Variants in SYT9 observed in about 807,000 individuals in gnomAD.
SYT9 encodes the protein synaptotagmin 9, also known as synaptotagmin-9.
SYT9 carries 22 observed loss-of-function variants against 48.4 expected under a neutral mutation model. The ratio of observed to expected loss-of-function variants is 0.45; its 90% CI spans 0.32 to 0.65. The LOEUF is 0.65. SYT9 is among the 30% of genes least tolerant of loss of function. The probability of loss-of-function intolerance (pLI) is 0.03; values close to 1 mark genes in which losing one functional copy is unlikely to be tolerated. For synonymous variants in SYT9, 265 were observed against 245.0 expected, an observed-to-expected ratio of 1.08 and a Z score of -0.76; for missense variants, 577 against 622.0, an observed-to-expected ratio of 0.93 and a Z score of 0.77.
At chr11:7,324,888 A>T (rs1479355996) in intron 3 of SYT9, among the ~76,000 whole-genome samples, 1 of 152,020 alleles carries the variant, frequency 6.6e-6, no homozygotes, top group Non-Finnish European at 1.5e-5. Flanking sequence ...ATTTTTCCTC[A>T]GTCTAATATA....
chr11:7,460,194 T>C (rs767841674), intron 6 of SYT9, among the ~76,000 whole-genome samples: 8 of 152,230 alleles, frequency 5.3e-5, no homozygotes, highest in Non-Finnish European at 7.3e-5. Context: ...TGATTATAGA[T>C]CTAATAATTC....
chr11:7,240,031 C>T (rs1412679570), intron 1 of SYT9, among the ~76,000 whole-genome samples: 1 of 152,078 alleles, frequency 6.6e-6, no homozygotes, highest in Non-Finnish European at 1.5e-5. Context: ...TCCTTACGGA[C>T]AAGGGTAGCA....
chr11:7,316,066 G>A (rs1451050252), intron 3 of SYT9, among the ~76,000 whole-genome samples: 4 of 47,476 alleles, frequency 8.4e-5, no homozygotes, highest in Non-Finnish European at 1.8e-4. Flanking sequence ...TGGGGTTGTG[G>A]GGTTTTTTTT....
At chr11:7,408,008 A>G (rs190923356) in intron 3 of SYT9, among the ~76,000 whole-genome samples, 1 of 152,370 alleles carries the variant, frequency 6.6e-6, no homozygotes, top group East Asian at 1.9e-4. Flanking sequence ...TTGGCTATTC[A>G]GGCTCTCTTT....
At chr11:7,265,342 G>A (rs994868118) in intron 1 of SYT9, among the ~76,000 whole-genome samples, 1 of 152,110 alleles carries the variant, frequency 6.6e-6, no homozygotes, top group Non-Finnish European at 1.5e-5. Context: ...GGTGAAAAGC[G>A]ATTGAATGTC....
chr11:7,401,841 G>A (rs921140877), intron 3 of SYT9, among the ~76,000 whole-genome samples: 6 of 151,140 alleles, frequency 4.0e-5, no homozygotes, highest in African/African-American at 1.2e-4. Flanking sequence ...ATGTTTTATT[G>A]GTTTTGCCCT....
intron 6 of SYT9, among the ~76,000 whole-genome samples, chr11:7,459,751 A>T (rs1396678904): frequency 1.3e-5 from 2 of 152,234 alleles, no homozygotes; most frequent in East Asian, 3.9e-4. Context: ...GGAAAGCCAT[A>T]TAAAGACCTA....
chr11:7,263,343 A>G (rs1450405249), intron 1 of SYT9, among the ~76,000 whole-genome samples: 1 of 152,154 alleles, frequency 6.6e-6, no homozygotes, highest in Non-Finnish European at 1.5e-5. Flanking sequence ...GGTTTCTTTC[A>G]TAAGGGCATT....
chr11:7,423,937 G>T (rs1847403525), intron 6 of SYT9, among the ~76,000 whole-genome samples: 1 of 152,230 alleles, frequency 6.6e-6, no homozygotes. Flanking sequence ...AAATCTCAGT[G>T]CTCATGATAA....
At chr11:7,453,553 A>C (rs1848098095) in intron 6 of SYT9, among the ~76,000 whole-genome samples, 1 of 152,322 alleles carries the variant, frequency 6.6e-6, no homozygotes, top group African/African-American at 2.4e-5. Context: ...GGCAAATTGC[A>C]TACAGTTGAA....
chr11:7,383,028 A>G (rs943624785), intron 3 of SYT9, among the ~76,000 whole-genome samples: 6 of 152,212 alleles, frequency 3.9e-5, no homozygotes, highest in African/African-American at 1.2e-4. Context: ...TATTAGTAGG[A>G]TCCATCGCTT....
At chr11:7,460,718 T>A (rs1466127624) in intron 6 of SYT9, among the ~76,000 whole-genome samples, 1 of 152,224 alleles carries the variant, frequency 6.6e-6, no homozygotes, top group Non-Finnish European at 1.5e-5. Flanking sequence ...TTTTCTAGTG[T>A]ATCAGATTGT....
chr11:7,321,045 T>C lies in SYT9; in HGVS notation c.1044+7104T>C, dbSNP rs1329067742. 3.9e-5 allele frequency among the ~76,000 whole-genome samples: 6 copies of C among 152,106 alleles called. No homozygotes were observed. In the East Asian group the frequency reaches 1.2e-3, roughly 29 times the overall value. ...ACTTCAGGAATCTCTTTCTTGGTGG[T>C]TGGCTTAGAAACTGGTTCGGAGACT... On this transcript the variant is annotated intron_variant, in intron 3 of 6. Transcript: ENST00000318881.
chr11:7,348,663 C>A (rs1310829311), intron 3 of SYT9, among the ~76,000 whole-genome samples: 1 of 141,094 alleles, frequency 7.1e-6, no homozygotes, highest in African/African-American at 2.7e-5. Flanking sequence ...TTAATCCCTT[C>A]CAGGTATCAG....
intron 6 of SYT9, among the ~76,000 whole-genome samples, chr11:7,444,878 G>C (rs1333172387): frequency 6.6e-6 from 1 of 152,206 alleles, no homozygotes; most frequent in Non-Finnish European, 1.5e-5. Flanking sequence ...GGCTTGTTTT[G>C]CCAAGGAGCT....
chr11:7,430,681 T>C (rs1847553148), intron 6 of SYT9, among the ~76,000 whole-genome samples: 1 of 152,168 alleles, frequency 6.6e-6, no homozygotes, highest in South Asian at 2.1e-4. Context: ...TGCGGTCCTC[T>C]TGATAGTGAG....
At chr11:7,265,632 C>T (rs1309728940) in intron 1 of SYT9, among the ~76,000 whole-genome samples, 1 of 150,694 alleles carries the variant, frequency 6.6e-6, no homozygotes, top group African/African-American at 2.4e-5. Flanking sequence ...CAAGGAAACC[C>T]AAACTCGAAA....
chr11:7,367,079 T>C (rs1328483083), intron 3 of SYT9, among the ~76,000 whole-genome samples: 4 of 85,720 alleles, frequency 4.7e-5, no homozygotes, highest in African/African-American at 1.5e-4. Context: ...CATCTTTTTT[T>C]TTTTTTTTTT....
At chr11:7,314,926 A>G (rs1190242510) in intron 3 of SYT9, among the ~76,000 whole-genome samples, 1 of 152,188 alleles carries the variant, frequency 6.6e-6, no homozygotes, top group East Asian at 1.9e-4. Context: ...TTAGTGAAAG[A>G]CTAATCTCTG....
Sources: gnomAD v4.1 joint callset for allele counts (sites outside exome capture counted in the v4.1 genomes callset) on GRCh38, gnomAD v4.1.1 for gene constraint, MANE v1.5 for transcripts, NCBI Gene and HGNC (gene_info 2026-07-23, HGNC 2026-07-21) for gene names.